The following PCDH7 variants were observed in gnomAD, a reference collection of about 807,000 sequenced individuals.
The protein encoded by PCDH7 is protocadherin 7, also known as protocadherin-7.
In PCDH7, 17 loss-of-function variants were observed where a neutral mutation model predicts 58.9. That is an observed-to-expected ratio of 0.29 (90% CI 0.20 to 0.43). PCDH7 has a LOEUF of 0.43. PCDH7 is among the 20% of genes least tolerant of loss of function. The pLI is 1.00. For synonymous variants in PCDH7, 664 were observed against 616.4 expected (o/e 1.08, Z -1.14); for missense variants, 1,274 against 1,441.0 (o/e 0.88, Z 1.88).
intron 3 of PCDH7, among the ~76,000 whole-genome samples, chr4:30,965,044 A>AAT (rs1320496578): frequency 6.6e-6 from 1 of 152,192 alleles, no homozygotes; most frequent in Admixed American, 6.5e-5. Context: ...ATAAGAAATG[A>AAT]ATATATGTTA....
intron 2 of PCDH7, among the ~76,000 whole-genome samples, chr4:30,940,818 G>A (rs1466572951): frequency 6.6e-6 from 1 of 151,982 alleles, no homozygotes; most frequent in Admixed American, 6.6e-5. Context: ...TTTTGTAGAA[G>A]TGTGAAAACA....
At chr4:30,889,317 C>A (rs1738291885) in intron 1 of PCDH7, among the ~76,000 whole-genome samples, 1 of 151,320 alleles carries the variant, frequency 6.6e-6, no homozygotes, top group East Asian at 2.0e-4. Context: ...GCAATATATT[C>A]TCCTACTGGT....
chr4:31,011,511 C>G (rs1475773918), intron 3 of PCDH7, among the ~76,000 whole-genome samples: 1 of 151,954 alleles, frequency 6.6e-6, no homozygotes, highest in Non-Finnish European at 1.5e-5. Flanking sequence ...CTTCTCTTTT[C>G]TATTCTTCTT....
At chr4:30,912,132 A>G (rs1271108053) in intron 1 of PCDH7, among the ~76,000 whole-genome samples, 4 of 152,200 alleles carry the variant, frequency 2.6e-5, no homozygotes. Flanking sequence ...TTCATCTGCT[A>G]TTGACTTGAA....
At chr4:30,900,734 T>C (rs977447432) in intron 1 of PCDH7, among the ~76,000 whole-genome samples, 1 of 152,126 alleles carries the variant, frequency 6.6e-6, no homozygotes, top group African/African-American at 2.4e-5. Flanking sequence ...GACATAGATA[T>C]AGAAATGCTT....
intron 1 of PCDH7, among the ~76,000 whole-genome samples, chr4:30,755,907 C>G (rs1373059872): frequency 1.3e-5 from 2 of 152,012 alleles, no homozygotes; most frequent in Non-Finnish European, 2.9e-5. Flanking sequence ...GGTGAAACCC[C>G]GTTTCTACTA....
intron 3 of PCDH7, among the ~76,000 whole-genome samples, chr4:31,129,782 C>A (rs746274163): frequency 6.6e-6 from 1 of 151,936 alleles, no homozygotes; most frequent in Non-Finnish European, 1.5e-5. Flanking sequence ...ACAGGTGCCA[C>A]CACACCCAGA....
chr4:30,895,964 A>G (rs982902073), intron 1 of PCDH7, among the ~76,000 whole-genome samples: 7 of 152,228 alleles, frequency 4.6e-5, no homozygotes, highest in African/African-American at 2.4e-5. Context: ...CTAATGCACC[A>G]TACGTGGAAC....
chr4:30,732,903 G>A (rs548567711), exon 2 of PCDH7: 3 of 152,274 alleles, frequency 2.0e-5, no homozygotes, highest in South Asian at 4.1e-4. Context: ...TTTATCAACA[G>A]TAAAAAGCTT....
intron 3 of PCDH7, among the ~76,000 whole-genome samples, chr4:31,074,134 C>A (rs573582795): frequency 3.3e-5 from 5 of 151,846 alleles, no homozygotes; most frequent in Non-Finnish European, 7.4e-5. Context: ...CTGTACTCTG[C>A]AACCCCAAAA....
In PCDH7 at chr4:30,913,967, A is replaced by T. The variant is rs77804907; in HGVS notation, c.71-6186A>T. Among the ~76,000 whole-genome samples, 917 of 152,260 alleles carry T rather than the reference A, an allele frequency of 6.0e-3. 8 individuals carry two copies. The highest frequency in any genetic ancestry group is 0.02 in the African/African-American group (838 of 41,552). On this transcript the variant is annotated intron_variant, in intron 1 of 3. Coordinates refer to the PCDH7 transcript ENST00000509759. ...CTGAGATTAGTTTCATTCAGAAATG[A>T]TCACTGTAATCGCACACCCCTTCCT...
intron 3 of PCDH7, among the ~76,000 whole-genome samples, chr4:31,025,886 G>C (rs553828446): frequency 6.6e-6 from 1 of 152,288 alleles, no homozygotes; most frequent in Admixed American, 6.5e-5. Context: ...AATCTTTGTG[G>C]AAAATGCTGG....
chr4:30,996,995 A>C (rs978554207), intron 3 of PCDH7, among the ~76,000 whole-genome samples: 7 of 152,120 alleles, frequency 4.6e-5, no homozygotes, highest in Admixed American at 1.3e-4. Flanking sequence ...ATTAAATTGG[A>C]TACTAATTGC....
chr4:31,083,990 T>C (rs772851365), intron 3 of PCDH7, among the ~76,000 whole-genome samples: 3 of 152,226 alleles, frequency 2.0e-5, no homozygotes, highest in Non-Finnish European at 4.4e-5. Flanking sequence ...TTATTAAATA[T>C]CATGTGTTCT....
In PCDH7 at chr4:30,758,098, G is replaced by A. The variant is rs150021836; in HGVS notation, c.70+33502G>A. 1.6e-4 allele frequency among the ~76,000 whole-genome samples: 24 copies of A among 152,298 alleles called. No homozygotes were observed. In the East Asian group the frequency reaches 4.4e-3, roughly 28 times the overall value. On this transcript the variant is annotated intron_variant, in intron 1 of 3. Transcript: ENST00000509759. ...AAAAAATGCAGAGACAATGTAGGGA[G>A]TTCTGAGGACCGTGAGGGCTGCAAT...
intron 3 of PCDH7, among the ~76,000 whole-genome samples, chr4:30,992,858 G>A (rs1276151422): frequency 1.4e-5 from 2 of 144,088 alleles, no homozygotes; most frequent in African/African-American, 5.3e-5. Context: ...GAGTGCAATG[G>A]CATGATCTTG....
At chr4:30,990,543 A>T (rs559152166) in intron 3 of PCDH7, among the ~76,000 whole-genome samples, 1 of 152,122 alleles carries the variant, frequency 6.6e-6, no homozygotes, top group Admixed American at 6.5e-5. Context: ...TTTCTTTTAT[A>T]TATGGTACAA....
intron 1 of PCDH7, among the ~76,000 whole-genome samples, chr4:30,740,126 T>C (rs1221636264): frequency 2.0e-5 from 3 of 152,216 alleles, no homozygotes; most frequent in Admixed American, 6.5e-5. Flanking sequence ...GTGATAGAAC[T>C]GAAGTTTAGG....
intron 3 of PCDH7, among the ~76,000 whole-genome samples, chr4:31,083,708 G>A (rs995997399): frequency 2.6e-5 from 4 of 152,154 alleles, no homozygotes; most frequent in East Asian, 3.9e-4. Flanking sequence ...CAATATGCTC[G>A]TTTCTCAAAA....
Sources: allele counts gnomAD v4.1 joint callset (sites outside exome capture counted in the v4.1 genomes callset), GRCh38; gene constraint gnomAD v4.1.1; transcripts MANE v1.5; gene names NCBI Gene and HGNC (gene_info 2026-07-23, HGNC 2026-07-21).